EPS15: variants seen among roughly 807,000 people sequenced by gnomAD.
EPS15 encodes epidermal growth factor receptor substrate 15.
In EPS15, 72 loss-of-function variants were observed where a neutral mutation model predicts 113.8. The observed-to-expected ratio is 0.63, with a 90% confidence interval of 0.52 to 0.77. The LOEUF (loss-of-function observed/expected upper bound fraction) is 0.77, where lower values mean the gene tolerates loss of function less well. Ranked by LOEUF, EPS15 falls within the 30% of genes least tolerant of loss-of-function variation. The pLI is 0.00. For missense variants in EPS15, 1,048 were observed against 1,045.8 expected, an observed-to-expected ratio of 1.00 and a Z score of -0.03; for synonymous variants, 344 against 363.4, an observed-to-expected ratio of 0.95 and a Z score of 0.61.
intron 1 of EPS15, among the ~76,000 whole-genome samples, chr1:51,509,976 T>C (rs965564593): frequency 6.0e-4 from 92 of 152,230 alleles, no homozygotes; most frequent in African/African-American, 2.0e-3. Context: ...CTCTACCACT[T>C]AGCAGCAGTT....
intron 21 of EPS15, among the ~76,000 whole-genome samples, chr1:51,393,468 C>T (rs1647598112): frequency 6.6e-6 from 1 of 152,206 alleles, no homozygotes; most frequent in African/African-American, 2.4e-5. Flanking sequence ...TCCCAAAATG[C>T]TGGGATTACA....
intron 13 of EPS15, among the ~76,000 whole-genome samples, chr1:51,410,031 C>T (rs1649549993): frequency 6.8e-6 from 1 of 146,586 alleles, no homozygotes; most frequent in African/African-American, 2.5e-5. Context: ...AAAAACCCCA[C>T]ATGGAGAAAC....
intron 1 of EPS15, among the ~76,000 whole-genome samples, chr1:51,505,447 TCATA>T (rs1331597429): frequency 2.0e-5 from 3 of 152,210 alleles, no homozygotes; most frequent in South Asian, 4.1e-4. Context: ...ATTATTCCAT[TCATA>T]CAAAGTCCAG....
chr1:51,459,600 TA>T (rs1654279257), intron 8 of EPS15, among the ~76,000 whole-genome samples: 1 of 152,176 alleles, frequency 6.6e-6, no homozygotes, highest in Non-Finnish European at 1.5e-5. Flanking sequence ...GGAATATATG[TA>T]AAAGCAGGTC....
chr1:51,418,353 C>T (rs1650432573), intron 13 of EPS15, among the ~76,000 whole-genome samples: 1 of 151,968 alleles, frequency 6.6e-6, no homozygotes, highest in Admixed American at 6.6e-5. Flanking sequence ...GGAAGATATC[C>T]AGGAGAATAC....
chr1:51,424,598 A>C (rs1297243396), intron 12 of EPS15, among the ~76,000 whole-genome samples: 1 of 152,166 alleles, frequency 6.6e-6, no homozygotes, highest in Non-Finnish European at 1.5e-5. Flanking sequence ...GATATAAGAC[A>C]TTATTTCAAA....
chr1:51,489,942 C>T (rs955467974), intron 1 of EPS15, among the ~76,000 whole-genome samples: 5 of 152,142 alleles, frequency 3.3e-5, no homozygotes, highest in Admixed American at 2.0e-4. Context: ...AAGCCTATAA[C>T]GTGAAAAACA....
chr1:51,385,703 T>C (rs938430427), intron 21 of EPS15, among the ~76,000 whole-genome samples: 6 of 152,168 alleles, frequency 3.9e-5, no homozygotes, highest in Non-Finnish European at 8.8e-5. Flanking sequence ...ATACATATAA[T>C]AGAATATTAT....
At chr1:51,432,830 G>T (rs1651845431) in intron 12 of EPS15, among the ~76,000 whole-genome samples, 2 of 152,110 alleles carry the variant, frequency 1.3e-5, no homozygotes, top group Admixed American at 1.3e-4. Context: ...TACTATCAAA[G>T]AAATGCACAC....
At chr1:51,440,962 C>T (rs17393593) in intron 11 of EPS15, among the ~76,000 whole-genome samples, 13,463 of 152,082 alleles carry the variant, frequency 0.089, 850 homozygotes, top group Middle Eastern at 0.19. Context: ...ACTGCTCAAG[C>T]ATGTTCCATA....
chr1:51,477,029 G>A (rs1441561331), intron 2 of EPS15, among the ~76,000 whole-genome samples: 1 of 152,168 alleles, frequency 6.6e-6, no homozygotes, highest in Admixed American at 6.5e-5. Flanking sequence ...AGAAAGAATG[G>A]TACCAGCTCC....
At chr1:51,360,111 C>G (rs1040576379) in intron 24 of EPS15, among the ~76,000 whole-genome samples, 6 of 152,092 alleles carry the variant, frequency 3.9e-5, no homozygotes, top group African/African-American at 1.4e-4. Flanking sequence ...TGACTACCTC[C>G]CTTCTAACTA....
intron 3 of EPS15, 46 bp downstream of exon 3, chr1:51,472,813 A>G (rs759328391): frequency 1.4e-6 from 2 of 1,390,284 alleles, no homozygotes; most frequent in Non-Finnish European, 2.0e-6. Flanking sequence ...TCTATAGTAC[A>G]CATTCCTTAC....
Position 51,402,506 on chromosome 1 carries a change from T to C in EPS15, c.1811A>G (p.Asp604Gly), listed in dbSNP as rs755078771. Residue 604 changes from aspartate to glycine, a missense_variant, in exon 18 of 25, where the codon GAC becomes GGC. Asp to Gly is a moderately conservative substitution (Grantham distance 94). Coordinates refer to ENST00000371733, the MANE Select transcript of EPS15 (RefSeq NM_001981.3). ...HSKEEDPFNVDSSSLTGPVAD... is the reference protein window; with the variant it reads ...HSKEEDPFNVGSSSLTGPVAD... ...AACTGGACCTGTCAGCGAACTTGAG[T>C]CTACATTAAATGGATCTTCCTAAAA... 2 of 1,566,970 alleles carry C rather than the reference T, an allele frequency of 1.3e-6. No individual in the cohort carries two copies. The highest frequency in any genetic ancestry group is 2.3e-5 in the South Asian group (2 of 85,308).
chr1:51,490,564 CAAAAAAAAAAAA>C (rs60149665), intron 1 of EPS15, among the ~76,000 whole-genome samples: 5 of 76,612 alleles, frequency 6.5e-5, no homozygotes, highest in Admixed American at 4.6e-4. Context: ...GACTCCATCT[CAAAAAAAAAAAA>C]AAAAAAAAAC....
intron 1 of EPS15, among the ~76,000 whole-genome samples, chr1:51,483,954 T>C (rs914689321): frequency 4.0e-5 from 6 of 151,722 alleles, no homozygotes; most frequent in East Asian, 1.9e-4. Flanking sequence ...CCACCAAAAA[T>C]GCAAAAATTA....
intron 8 of EPS15, among the ~76,000 whole-genome samples, chr1:51,453,362 C>A (rs144496181): frequency 2.0e-4 from 30 of 152,212 alleles, no homozygotes; most frequent in African/African-American, 6.5e-4. Flanking sequence ...GTTTCCCTGG[C>A]AAAACTAAAG....
intron 2 of EPS15, among the ~76,000 whole-genome samples, chr1:51,477,219 A>C (rs183109880): frequency 5.3e-5 from 8 of 152,216 alleles, no homozygotes; most frequent in African/African-American, 1.4e-4. Context: ...CATTTCTTCT[A>C]GATTTTCTAG....
chr1:51,413,466 A>G (rs1050945352), intron 13 of EPS15, among the ~76,000 whole-genome samples: 5 of 152,236 alleles, frequency 3.3e-5, no homozygotes, highest in Admixed American at 3.3e-4. Flanking sequence ...ATAGGATTTT[A>G]GTATGTGGGA....
Sources: allele counts gnomAD v4.1 joint callset (sites outside exome capture counted in the v4.1 genomes callset), GRCh38; gene constraint gnomAD v4.1.1; transcripts MANE v1.5; gene names NCBI Gene and HGNC (gene_info 2026-07-23, HGNC 2026-07-21).